The following PIK3C3 variants were observed in gnomAD, a reference collection of about 807,000 sequenced individuals.
The protein encoded by PIK3C3 is PI3-kinase type 3.
Under a neutral mutation model 126.1 loss-of-function variants are expected in PIK3C3, and 95 were observed. That is an observed-to-expected ratio of 0.75 (90% CI 0.64 to 0.89). The LOEUF (loss-of-function observed/expected upper bound fraction) is 0.89. Among genes scored for constraint, PIK3C3 ranks in the 40% least tolerant of loss-of-function variants. The probability of loss-of-function intolerance (pLI) is 0.00; values close to 1 mark genes in which losing one functional copy is unlikely to be tolerated. For missense variants in PIK3C3, 829 were observed against 1,063.2 expected (o/e 0.78, Z 3.06); for synonymous variants, 374 against 360.0 (o/e 1.04, Z -0.44).
intron 12 of PIK3C3, among the ~76,000 whole-genome samples, 186 bp from the exon 13 acceptor site, chr18:42,020,452 A>C (rs1983270888): frequency 6.6e-6 from 1 of 152,142 alleles, no homozygotes; most frequent in Admixed American, 6.6e-5. Context: ...CGGTATTCTA[A>C]CCACTTGCAT....
At chr18:41,959,564 T>C (rs991619338) in intron 2 of PIK3C3, among the ~76,000 whole-genome samples, 3 of 152,036 alleles carry the variant, frequency 2.0e-5, no homozygotes, top group Non-Finnish European at 2.9e-5. Flanking sequence ...AAAAAAATAC[T>C]GTACAGGTGG....
At chr18:41,955,445 G>A (rs1979719029) in intron 1 of PIK3C3, 86 bp downstream of exon 1, 2 of 1,160,086 alleles carry the variant, frequency 1.7e-6, no homozygotes, top group East Asian at 2.4e-5. Flanking sequence ...GAGGCAGAAA[G>A]TACGTGACTC....
intron 19 of PIK3C3, among the ~76,000 whole-genome samples, chr18:42,042,677 T>G (rs1158605385): frequency 1.3e-5 from 2 of 152,226 alleles, no homozygotes; most frequent in Non-Finnish European, 2.9e-5. Flanking sequence ...GTATACTGAT[T>G]CTTGGCTGCA....
chr18:42,003,136 TTC>T (rs1982370563), intron 9 of PIK3C3, among the ~76,000 whole-genome samples: 1 of 152,188 alleles, frequency 6.6e-6, no homozygotes, highest in Non-Finnish European at 1.5e-5. Context: ...AGTGCCGTTT[TTC>T]TTAATAAAAT....
intron 15 of PIK3C3, among the ~76,000 whole-genome samples, chr18:42,031,370 G>A (rs1983817796): frequency 6.6e-6 from 1 of 152,216 alleles, no homozygotes; most frequent in East Asian, 1.9e-4. Context: ...GAAAAATTAT[G>A]TTAGAAGAGG....
rs189487873 is a variant in PIK3C3, at chr18:41,990,844, T to C, written c.714+290T>C. ...AATTGGCAAGTAGGACACTAAGTAA[T>C]GGCTTCATTTACTAATATTATTTAT... On this transcript the variant is annotated intron_variant, in intron 6 of 24. Coordinates refer to ENST00000262039, the MANE Select transcript of PIK3C3 (RefSeq NM_002647.4). Among the ~76,000 whole-genome samples, 599 of 152,294 alleles carry C rather than the reference T, an allele frequency of 3.9e-3. 3 individuals are homozygous for C. The highest frequency in any genetic ancestry group is 0.014 in the African/African-American group (563 of 41,570).
intron 22 of PIK3C3, among the ~76,000 whole-genome samples, 161 bp downstream of exon 22, chr18:42,058,212 A>T (rs780759214): frequency 3.9e-5 from 6 of 152,198 alleles, no homozygotes; most frequent in African/African-American, 7.2e-5. Context: ...AATTTTGACA[A>T]ACTGTCAAAT....
intron 3 of PIK3C3, among the ~76,000 whole-genome samples, chr18:41,963,503 T>C (rs770714788): frequency 6.6e-6 from 1 of 152,158 alleles, no homozygotes; most frequent in African/African-American, 2.4e-5. Flanking sequence ...TACTAGTGAT[T>C]GGTAGCTTCT....
At position 42,081,401 on chromosome 18, in the gene PIK3C3, A is replaced by T. The variant is rs1203194148; in HGVS notation, c.*264A>T. On this transcript the variant is annotated 3_prime_UTR_variant, in exon 25 of 25. Coordinates refer to ENST00000262039, the MANE Select transcript of PIK3C3 (RefSeq NM_002647.4). ...GTTAATAAATTAAGAAATGAGAAAC[A>T]TTCTTATTTATGTACATGTTATGAG... 2 of 361,628 alleles carry T rather than the reference A, an allele frequency of 5.5e-6. No individual in the cohort carries two copies. The highest frequency in any genetic ancestry group is 9.9e-6 in the Non-Finnish European group (2 of 201,546). The allele number at this position is 361,628 out of a possible 1,614,324, so 22.4% of individuals were successfully genotyped here. A position where few individuals can be genotyped will look rare whatever the true frequency, so the allele number is the denominator to read the frequency against.
intron 10 of PIK3C3, among the ~76,000 whole-genome samples, chr18:42,004,923 A>G (rs1982470557): frequency 1.3e-5 from 2 of 152,168 alleles, no homozygotes. Context: ...AGCCACATTT[A>G]ATTGTAGCCT....
rs1314130955 is a variant in PIK3C3 at position 42,084,922 on chromosome 18, TC to T, written c.*3787del. On this transcript the variant is annotated 3_prime_UTR_variant, in exon 25 of 25. Coordinates refer to ENST00000262039, the MANE Select transcript of PIK3C3 (RefSeq NM_002647.4). ...TTAAGTTATCCTGTAGTCCAGAGAT[TC>T]CACAGGCCAGTGTCAGGGAACAGGG... The T allele has an allele frequency of 6.6e-6, 1 of 152,216 alleles. No individual in the cohort carries two copies. Among genetic ancestry groups the T allele is most frequent in the Non-Finnish European group, 1.5e-5 (1 of 68,064 alleles). 9.4% of individuals were successfully genotyped at this position (152,216 alleles called of 1,614,324 possible).
intron 21 of PIK3C3, among the ~76,000 whole-genome samples, chr18:42,052,098 ACAAT>A (rs1441884014): frequency 3.3e-5 from 5 of 152,096 alleles, no homozygotes; most frequent in African/African-American, 9.6e-5. Flanking sequence ...AAATTGATAA[ACAAT>A]CAGACAGTGT....
intron 10 of PIK3C3, among the ~76,000 whole-genome samples, chr18:42,012,062 A>C (rs552267710): frequency 3.3e-5 from 5 of 152,168 alleles, no homozygotes; most frequent in African/African-American, 4.8e-5. Context: ...ATAATGAAAA[A>C]GTTTGAAATA....
chr18:42,051,932 ACCTGC>A, intron 21 of PIK3C3, among the ~76,000 whole-genome samples: 1 of 152,090 alleles, frequency 6.6e-6, no homozygotes, highest in African/African-American at 2.4e-5. Flanking sequence ...TATGTAACAA[ACCTGC>A]ACGTTGTGCA....
At chr18:42,022,647 T>C (rs1416411743) in intron 13 of PIK3C3, among the ~76,000 whole-genome samples, 1 of 151,710 alleles carries the variant, frequency 6.6e-6, no homozygotes, top group East Asian at 1.9e-4. Context: ...TTTTTGGTTG[T>C]GTTTGTTTTT....
chr18:41,959,844 T>A (rs1291319678), intron 2 of PIK3C3, among the ~76,000 whole-genome samples: 2 of 152,174 alleles, frequency 1.3e-5, no homozygotes, highest in African/African-American at 4.8e-5. Context: ...TTGCACATTT[T>A]ATACATCCTG....
intron 22 of PIK3C3, among the ~76,000 whole-genome samples, chr18:42,063,421 C>T (rs1445792074): frequency 1.3e-5 from 2 of 152,148 alleles, no homozygotes; most frequent in Non-Finnish European, 2.9e-5. Context: ...AATGGAATAA[C>T]ATCTGTGGTA....
intron 7 of PIK3C3, among the ~76,000 whole-genome samples, chr18:41,995,382 A>T (rs888034363): frequency 6.6e-6 from 1 of 152,212 alleles, no homozygotes; most frequent in Admixed American, 6.6e-5. Flanking sequence ...AGGCAATGAC[A>T]GTATGGTTAA....
chr18:42,061,428 CA>C (rs1204635215), intron 22 of PIK3C3, among the ~76,000 whole-genome samples: 1 of 151,946 alleles, frequency 6.6e-6, no homozygotes, highest in Non-Finnish European at 1.5e-5. Context: ...ACTAAAAATA[CA>C]AAAATTAGCC....
Sources: gnomAD v4.1 joint callset for allele counts (sites outside exome capture counted in the v4.1 genomes callset) on GRCh38, gnomAD v4.1.1 for gene constraint, MANE v1.5 for transcripts, NCBI Gene and HGNC (gene_info 2026-07-23, HGNC 2026-07-21) for gene names.